Variants in SPINK5 observed in about 807,000 individuals in gnomAD.
SPINK5 encodes the protein serine peptidase inhibitor Kazal type 5, also known as serine protease inhibitor Kazal-type 5.
In SPINK5, 125 loss-of-function variants were observed where a neutral mutation model predicts 151.8. That is an observed-to-expected ratio of 0.82 (90% CI 0.71 to 0.96). SPINK5 has a LOEUF of 0.96. Among genes scored for constraint, SPINK5 ranks in the 40% least tolerant of loss-of-function variants. The pLI is 0.00. For synonymous variants in SPINK5, 374 were observed against 395.3 expected (o/e 0.95, Z 0.64); for missense variants, 1,194 against 1,291.9 (o/e 0.92, Z 1.16).
At chr5:148,114,566 G>A in intron 21 of SPINK5, 77 bp downstream of exon 21, 1 of 1,594,006 alleles carries the variant, frequency 6.3e-7, no homozygotes, top group Non-Finnish European at 8.6e-7. Flanking sequence ...AATATGTATT[G>A]TGTTTGTCCT....
At chr5:148,103,327 C>T (rs1025946473) in intron 15 of SPINK5, among the ~76,000 whole-genome samples, 1 of 152,054 alleles carries the variant, frequency 6.6e-6, no homozygotes, top group Non-Finnish European at 1.5e-5. Context: ...TTGAGAATGA[C>T]GGAAAAGTCA....
rs794727403 is a variant in SPINK5, at chr5:148,120,143, A to G, written c.2441+7A>G. On this transcript the variant is annotated splice_region_variant and intron_variant, in intron 25 of 32. Coordinates refer to ENST00000256084, the MANE Select transcript of SPINK5 (RefSeq NM_006846.4). ...CTATGTGTAAGGAAAAACTGTGAGT[A>G]TGTTTCAAAATGAGCTTTTGACTGT... 1.9e-6 allele frequency: 3 copies of G among 1,613,978 alleles called. No individual in the cohort carries two copies. The highest frequency in any genetic ancestry group is 2.7e-5 in the African/African-American group (2 of 74,930).
intron 4 of SPINK5, among the ~76,000 whole-genome samples, 198 bp downstream of exon 4, chr5:148,072,418 T>C (rs1752764129): frequency 6.8e-6 from 1 of 146,478 alleles, no homozygotes; most frequent in Admixed American, 6.6e-5. Flanking sequence ...GATCCGACTC[T>C]AAAAACATTT....
At chr5:148,066,027 G>C (rs748500933) in intron 2 of SPINK5, among the ~76,000 whole-genome samples, 1 of 152,112 alleles carries the variant, frequency 6.6e-6, no homozygotes, top group Non-Finnish European at 1.5e-5. Context: ...CCTGAGAATG[G>C]AGGTGGTATC....
At chr5:148,121,143 C>CAA (rs767012594) in intron 26 of SPINK5, among the ~76,000 whole-genome samples, 5,008 of 68,420 alleles carry the variant, frequency 0.073, 428 homozygotes, top group East Asian at 0.2. Flanking sequence ...GACTCTGTCT[C>CAA]AAAAAAAAAA....
intron 10 of SPINK5, 42 bp downstream of exon 10, chr5:148,095,947 T>TG (rs1284911195): frequency 6.8e-7 from 1 of 1,469,400 alleles, no homozygotes; most frequent in African/African-American, 1.5e-5. Context: ...CTTGTGTGTG[T>TG]GTGGGGGGGT....
chr5:148,106,169 T>C (rs900637691), intron 16 of SPINK5, among the ~76,000 whole-genome samples: 17 of 152,126 alleles, frequency 1.1e-4, no homozygotes, highest in African/African-American at 4.1e-4. Flanking sequence ...CCTCCTTCTC[T>C]CCACTCCTAT....
In SPINK5 at chr5:148,118,419, GTTC is replaced by G. The variant is rs2113186306; in HGVS notation, c.2113-13_2113-11del. 6.2e-7 allele frequency: 1 copy of G among 1,613,878 alleles called. No homozygotes were observed. The highest frequency in any genetic ancestry group is 8.5e-7 in the Non-Finnish European group (1 of 1,179,882). On this transcript the variant is annotated splice_polypyrimidine_tract_variant and intron_variant, in intron 22 of 32. Transcript: ENST00000256084. ...AGACTAAGTAATCCAGGGGCTCTTC[GTTC>G]TTCTCTGTTTTCAGGACGAATGTGC...
At chr5:148,116,784 T>C (rs1253114312) in intron 22 of SPINK5, among the ~76,000 whole-genome samples, 5 of 152,226 alleles carry the variant, frequency 3.3e-5, no homozygotes, top group Non-Finnish European at 5.9e-5. Context: ...TCTTTCATTA[T>C]TCTTTCTTGC....
chr5:148,123,172 G>T (rs1418322275), intron 26 of SPINK5, among the ~76,000 whole-genome samples: 1 of 151,232 alleles, frequency 6.6e-6, no homozygotes, highest in African/African-American at 2.4e-5. Flanking sequence ...AACACAGAGA[G>T]ACTCCCGTCT....
chr5:148,136,235 T>C (rs1463068377), intron 32 of SPINK5, among the ~76,000 whole-genome samples: 1 of 152,132 alleles, frequency 6.6e-6, no homozygotes, highest in Non-Finnish European at 1.5e-5. Flanking sequence ...AAAATACAAA[T>C]ATTATTTTGT....
intron 22 of SPINK5, among the ~76,000 whole-genome samples, chr5:148,117,999 C>T (rs928343164): frequency 6.6e-6 from 1 of 151,890 alleles, no homozygotes; most frequent in Non-Finnish European, 1.5e-5. Context: ...AGATGCCAGA[C>T]CTAGATGTTA....
At chr5:148,093,613 A>G (rs1224946675) in intron 8 of SPINK5, among the ~76,000 whole-genome samples, 1 of 151,772 alleles carries the variant, frequency 6.6e-6, no homozygotes, top group Non-Finnish European at 1.5e-5. Context: ...GACTTGATCC[A>G]TATTAAGTCA....
intron 4 of SPINK5, among the ~76,000 whole-genome samples, chr5:148,079,903 G>C (rs1032873149): frequency 6.6e-6 from 1 of 150,978 alleles, no homozygotes; most frequent in Non-Finnish European, 1.5e-5. Flanking sequence ...GAGGTTCTTA[G>C]CCAGTATAAG....
rs1378310165 is a variant in SPINK5 at position 148,086,477 on chromosome 5, T to G, written c.355T>G (p.Cys119Gly). The G allele has an allele frequency of 1.2e-6, 2 of 1,612,092 alleles. No individual in the cohort carries two copies. Among genetic ancestry groups the G allele is most frequent in the South Asian group, 2.2e-5 (2 of 91,026 alleles). ...CTGTCCTGATTATTATGAAGCTGTTTGTGGCACAGATGGGAAAACATATGA... is the reference window on the plus strand; with the variant it reads ...CTGTCCTGATTATTATGAAGCTGTTGGTGGCACAGATGGGAAAACATATGA... ...FICPDYYEAVCGTDGKTYDNR... is the reference protein window; with the variant it reads ...FICPDYYEAVGGTDGKTYDNR... Residue 119 changes from cysteine to glycine, a missense_variant, in exon 5 of 33, where the codon TGT becomes GGT. Coordinates refer to ENST00000256084, the MANE Select transcript of SPINK5 (RefSeq NM_006846.4).
At chr5:148,117,997 G>T (rs1754142832) in intron 22 of SPINK5, among the ~76,000 whole-genome samples, 2 of 151,988 alleles carry the variant, frequency 1.3e-5, no homozygotes, top group Non-Finnish European at 2.9e-5. Flanking sequence ...GCAGATGCCA[G>T]ACCTAGATGT....
chr5:148,066,372 A>G (rs1752585908), intron 2 of SPINK5, among the ~76,000 whole-genome samples: 1 of 152,170 alleles, frequency 6.6e-6, no homozygotes, highest in South Asian at 2.1e-4. Flanking sequence ...TTAAAGCACA[A>G]TCTTAAATGT....
chr5:148,118,173 C>T (rs1754149210), intron 22 of SPINK5, among the ~76,000 whole-genome samples: 1 of 152,184 alleles, frequency 6.6e-6, no homozygotes, highest in African/African-American at 2.4e-5. Context: ...CACCCGCCAC[C>T]ATGCCCAGCT....
intron 3 of SPINK5, among the ~76,000 whole-genome samples, 171 bp downstream of exon 3, chr5:148,070,621 C>T (rs187085663): frequency 6.6e-6 from 1 of 152,138 alleles, no homozygotes; most frequent in Non-Finnish European, 1.5e-5. Context: ...GGATAATTAC[C>T]ACCCACCTGG....
Sources: gnomAD v4.1 joint callset for allele counts (sites outside exome capture counted in the v4.1 genomes callset) on GRCh38, gnomAD v4.1.1 for gene constraint, MANE v1.5 for transcripts, NCBI Gene and HGNC (gene_info 2026-07-23, HGNC 2026-07-21) for gene names.